PPP3CC: variants seen among roughly 807,000 people sequenced by gnomAD.
The protein encoded by PPP3CC is protein phosphatase 3 catalytic subunit gamma.
Under a neutral mutation model 60.3 loss-of-function variants are expected in PPP3CC, and 35 were observed. That is an observed-to-expected ratio of 0.58 (90% CI 0.44 to 0.77). PPP3CC has a LOEUF of 0.77. PPP3CC is among the 30% of genes least tolerant of loss of function. The pLI, the probability that PPP3CC is intolerant of heterozygous loss-of-function variation, is 0.00. For synonymous variants in PPP3CC, 206 were observed against 224.3 expected, an observed-to-expected ratio of 0.92 and a Z score of 0.73; for missense variants, 570 against 628.9, an observed-to-expected ratio of 0.91 and a Z score of 1.00.
In PPP3CC at chr8:22,532,221, T is replaced by C. The variant is rs1433534732; in HGVS notation, c.1142-4T>C. On this transcript the variant is annotated splice_polypyrimidine_tract_variant and splice_region_variant and intron_variant, in intron 10 of 13. Coordinates refer to ENST00000240139, the MANE Select transcript of PPP3CC (RefSeq NM_005605.5). Reference sequence around the variant, plus strand: ...TAACTTACTTATTCTTTGTATTCTCTAAGGAAGCACTACAGTTCGTAAGGA... The same window carrying C: ...TAACTTACTTATTCTTTGTATTCTCCAAGGAAGCACTACAGTTCGTAAGGA... 6.2e-7 allele frequency: 1 copy of C among 1,605,364 alleles called. No individual in the cohort carries two copies. Among genetic ancestry groups the C allele is most frequent in the Non-Finnish European group, 8.5e-7 (1 of 1,172,696 alleles).
intron 3 of PPP3CC, among the ~76,000 whole-genome samples, chr8:22,494,475 A>G (rs1029547637): frequency 6.6e-6 from 1 of 152,240 alleles, no homozygotes; most frequent in African/African-American, 2.4e-5. Flanking sequence ...CTGCCAAACC[A>G]TATCAGCCTC....
At chr8:22,462,265 T>G (rs1421194703) in intron 1 of PPP3CC, among the ~76,000 whole-genome samples, 4 of 151,992 alleles carry the variant, frequency 2.6e-5, no homozygotes, top group South Asian at 4.2e-4. Flanking sequence ...AAAATAAGGT[T>G]TGAGCTTAGA....
In PPP3CC at chr8:22,493,914, T is replaced by A. The variant is rs546459011; in HGVS notation, c.373-4087T>A. Among the ~76,000 whole-genome samples the A allele has an allele frequency of 4.6e-5, 7 of 152,338 alleles. No homozygotes were observed. The East Asian group carries it at 1.3e-3, about 29-fold the overall frequency. On this transcript the variant is annotated intron_variant, in intron 3 of 13. Transcript: ENST00000240139. Reference sequence around the variant, plus strand: ...CATAATTGTATGTGCTATACTTTTATATGACTGGCAGTGCAGTAGGTTTTT... The same window carrying A: ...CATAATTGTATGTGCTATACTTTTAAATGACTGGCAGTGCAGTAGGTTTTT...
chr8:22,520,484 C>G (rs1839377180), intron 6 of PPP3CC, among the ~76,000 whole-genome samples: 1 of 152,110 alleles, frequency 6.6e-6, no homozygotes, highest in Non-Finnish European at 1.5e-5. Context: ...GTCCTGTATA[C>G]TTTCCACATT....
intron 12 of PPP3CC, among the ~76,000 whole-genome samples, chr8:22,534,196 C>CAAAAAAAAAAAA: frequency 8.7e-6 from 1 of 114,960 alleles, no homozygotes; most frequent in Non-Finnish European, 1.8e-5. Flanking sequence ...AAGACTGTTT[C>CAAAAAAAAAAAA]AAAAAAAAAA....
chr8:22,441,427 C>T lies in PPP3CC; in HGVS notation c.18C>T (p.Phe6=). 3 of 1,546,558 alleles carry T rather than the reference C, an allele frequency of 1.9e-6. No homozygotes were observed. The highest frequency in any genetic ancestry group is 2.6e-6 in the Non-Finnish European group (3 of 1,146,372). Residue 6 remains phenylalanine (F), a synonymous_variant, in exon 1 of 14, where the codon TTC becomes TTT. Transcript: ENST00000240139. MSGRR[F]HLSTTDRVIK... ...AGGGGACCATGTCCGGGAGGCGCTTCCACCTCTCCACCACCGACCGCGTCA... is the reference window on the plus strand; with the variant it reads ...AGGGGACCATGTCCGGGAGGCGCTTTCACCTCTCCACCACCGACCGCGTCA...
chr8:22,525,440 C>CT (rs1196228810), intron 8 of PPP3CC, among the ~76,000 whole-genome samples: 1 of 150,428 alleles, frequency 6.6e-6, no homozygotes, highest in Non-Finnish European at 1.5e-5. Context: ...TTTCTTTTCT[C>CT]TCTCTTTCTC....
At chr8:22,539,553 C>A in intron 13 of PPP3CC, 55 bp downstream of exon 13, 1 of 1,541,702 alleles carries the variant, frequency 6.5e-7, no homozygotes, top group Non-Finnish European at 8.9e-7. Context: ...ACTGGTTTTT[C>A]GAAGCTTTAT....
chr8:22,515,913 CTTTAT>C (rs71206525), intron 6 of PPP3CC, among the ~76,000 whole-genome samples: 8,020 of 144,584 alleles, frequency 0.055, 299 homozygotes, highest in African/African-American at 0.11. Context: ...CTTTCTTCTT[CTTTAT>C]TTTATTTTAT....
At chr8:22,446,863 C>G (rs945710889) in intron 1 of PPP3CC, among the ~76,000 whole-genome samples, 3 of 132,654 alleles carry the variant, frequency 2.3e-5, no homozygotes, top group African/African-American at 5.7e-5. Flanking sequence ...CTATTAGAGA[C>G]AAAATTATTC....
In PPP3CC at chr8:22,511,225, T is replaced by C; in HGVS notation, c.624T>C (p.Ile208=). The change falls in exon 5 of 14, where the codon ATT becomes ATC. Residue 208 remains isoleucine (I), a synonymous_variant. Coordinates refer to ENST00000240139, the MANE Select transcript of PPP3CC (RefSeq NM_005605.5). Reference sequence around the variant, plus strand: ...CTGAAATTACTTCTTTAGATGACATTAGGAAAGTAAGTAATCTTTTATTAT... The same window carrying C: ...CTGAAATTACTTCTTTAGATGACATCAGGAAAGTAAGTAATCTTTTATTAT... The part of the protein sequence containing the change: ...MSPEITSLDD[I]RKLDRFTEPP... 5.0e-6 allele frequency: 8 copies of C among 1,610,894 alleles called. No individual in the cohort carries two copies. Among genetic ancestry groups the C allele is most frequent in the Non-Finnish European group, 6.8e-6 (8 of 1,177,722 alleles).
chr8:22,513,275 C>A lies in PPP3CC; in HGVS notation c.631-18C>A, dbSNP rs1243745200. The A allele has an allele frequency of 2.5e-6, 4 of 1,597,456 alleles. No individual in the cohort carries two copies. The highest frequency in any genetic ancestry group is 1.4e-5 in the African/African-American group (1 of 73,822). On this transcript the variant is annotated intron_variant, in intron 5 of 13. Coordinates refer to ENST00000240139, the MANE Select transcript of PPP3CC (RefSeq NM_005605.5). The stretch of plus-strand genomic sequence containing the variant: ...TGCTCTCCTGATTTTTTTCTTTTGG[C>A]TTTTGTGTGTCTTCTAGTTAGACAG...
intron 6 of PPP3CC, among the ~76,000 whole-genome samples, chr8:22,522,282 A>G (rs757950718): frequency 6.6e-5 from 10 of 152,108 alleles, no homozygotes; most frequent in Admixed American, 2.6e-4. Context: ...AGGATTATCT[A>G]TTGTTTTCAT....
At chr8:22,523,146 T>C (rs968051666) in intron 8 of PPP3CC, among the ~76,000 whole-genome samples, 1 of 152,192 alleles carries the variant, frequency 6.6e-6, no homozygotes, top group Non-Finnish European at 1.5e-5. Context: ...AAACTATTTT[T>C]GTTTTTCTTG....
At chr8:22,526,663 C>A (rs1309396139) in intron 8 of PPP3CC, among the ~76,000 whole-genome samples, 1 of 152,086 alleles carries the variant, frequency 6.6e-6, no homozygotes, top group Non-Finnish European at 1.5e-5. Flanking sequence ...GAGAATAGTG[C>A]AAACAACATT....
At chr8:22,502,997 A>G (rs1038644310) in intron 4 of PPP3CC, among the ~76,000 whole-genome samples, 11 of 152,132 alleles carry the variant, frequency 7.2e-5, no homozygotes, top group African/African-American at 2.7e-4. Context: ...AGTGCATGCC[A>G]TCGCGCATGG....
At chr8:22,465,994 C>G (rs941339564) in intron 1 of PPP3CC, among the ~76,000 whole-genome samples, 6 of 152,274 alleles carry the variant, frequency 3.9e-5, no homozygotes, top group African/African-American at 1.4e-4. Context: ...CCCAGCCCCC[C>G]ATCCTCCGAC....
intron 6 of PPP3CC, among the ~76,000 whole-genome samples, chr8:22,519,938 G>A (rs201386141): frequency 0.01 from 1,559 of 152,128 alleles, 27 homozygotes; most frequent in African/African-American, 0.036. Flanking sequence ...TTACAGGCAC[G>A]AGCCACTGTG....
chr8:22,534,450 C>G (rs990407069), intron 12 of PPP3CC, among the ~76,000 whole-genome samples: 1 of 151,758 alleles, frequency 6.6e-6, no homozygotes, highest in African/African-American at 2.4e-5. Flanking sequence ...TCTGACAATA[C>G]CAAGTATTGG....
Sources: gnomAD v4.1 joint callset for allele counts (sites outside exome capture counted in the v4.1 genomes callset) on GRCh38, gnomAD v4.1.1 for gene constraint, MANE v1.5 for transcripts, NCBI Gene and HGNC (gene_info 2026-07-23, HGNC 2026-07-21) for gene names.